The following FSIP1 variants were observed in gnomAD, a reference collection of about 807,000 sequenced individuals.
FSIP1 encodes the protein fibrous sheath interacting protein 1.
In FSIP1, 65 loss-of-function variants were observed where a neutral mutation model predicts 60.9. The observed-to-expected ratio is 1.07, with a 90% confidence interval of 0.87 to 1.31. FSIP1 has a LOEUF of 1.31. Ranked by LOEUF, FSIP1 falls within the 40% of genes most tolerant of loss-of-function variation. FSIP1 has a pLI of 0.00. For synonymous variants in FSIP1, 209 were observed against 221.2 expected (o/e 0.94, Z 0.49); for missense variants, 675 against 665.5 (o/e 1.01, Z -0.16).
At chr15:39,763,643 C>T (rs1282824859) in intron 5 of FSIP1, among the ~76,000 whole-genome samples, 178 bp downstream of exon 5, 4 of 152,328 alleles carry the variant, frequency 2.6e-5, no homozygotes, top group African/African-American at 9.6e-5. Context: ...GACACCAAAA[C>T]ATACCTAAGC....
intron 10 of FSIP1, among the ~76,000 whole-genome samples, chr15:39,638,132 C>T (rs1008458736): frequency 2.0e-4 from 31 of 152,162 alleles, no homozygotes; most frequent in African/African-American, 7.2e-4. Flanking sequence ...TTTATAATAT[C>T]TGTTAGGATT....
intron 11 of FSIP1, among the ~76,000 whole-genome samples, chr15:39,614,636 C>A (rs768963553): frequency 1.2e-4 from 15 of 127,246 alleles, no homozygotes; most frequent in Admixed American, 1.5e-4. Context: ...CAGGGCAAGA[C>A]TCCATCTCAA....
At chr15:39,675,039 C>CT (rs34533014) in intron 10 of FSIP1, among the ~76,000 whole-genome samples, 34 of 150,498 alleles carry the variant, frequency 2.3e-4, no homozygotes, top group African/African-American at 6.6e-4. Flanking sequence ...CATGAATAGG[C>CT]TTTTTTTTTA....
At chr15:39,607,272 T>A (rs1487755161) in intron 11 of FSIP1, among the ~76,000 whole-genome samples, 1 of 152,184 alleles carries the variant, frequency 6.6e-6, no homozygotes, top group Non-Finnish European at 1.5e-5. Flanking sequence ...AGATTTTCCA[T>A]CTCTGCCAGT....
chr15:39,665,037 T>G (rs1893441809), intron 10 of FSIP1, among the ~76,000 whole-genome samples: 1 of 152,150 alleles, frequency 6.6e-6, no homozygotes, highest in African/African-American at 2.4e-5. Flanking sequence ...CCTTAAATAT[T>G]TGTTGCAAGT....
chr15:39,688,336 T>C (rs1894466141), intron 10 of FSIP1, among the ~76,000 whole-genome samples: 1 of 152,166 alleles, frequency 6.6e-6, no homozygotes, highest in Non-Finnish European at 1.5e-5. Context: ...CATAGTTTAG[T>C]CCAGCCTACC....
chr15:39,656,864 G>A (rs1444609364), intron 10 of FSIP1, among the ~76,000 whole-genome samples: 2 of 152,206 alleles, frequency 1.3e-5, no homozygotes, highest in Non-Finnish European at 2.9e-5. Flanking sequence ...AGAGGATCAT[G>A]TGTGCCTCCA....
chr15:39,693,404 T>C (rs748944892), intron 10 of FSIP1, among the ~76,000 whole-genome samples: 2 of 152,206 alleles, frequency 1.3e-5, no homozygotes, highest in Non-Finnish European at 2.9e-5. Flanking sequence ...CACTCCATGA[T>C]CATGGGCCAA....
chr15:39,662,156 G>A (rs532525076), intron 10 of FSIP1, among the ~76,000 whole-genome samples: 19 of 152,008 alleles, frequency 1.2e-4, no homozygotes, highest in Non-Finnish European at 2.2e-4. Context: ...TAGTTGGAGT[G>A]GGGGAAAGGG....
chr15:39,777,290 C>G (rs1233639965), intron 1 of FSIP1, among the ~76,000 whole-genome samples: 3 of 152,112 alleles, frequency 2.0e-5, no homozygotes, highest in Non-Finnish European at 4.4e-5. Flanking sequence ...GATTTCTCCT[C>G]TCCCCCGTGG....
intron 10 of FSIP1, among the ~76,000 whole-genome samples, chr15:39,674,502 T>C (rs1893858458): frequency 6.6e-6 from 1 of 152,078 alleles, no homozygotes; most frequent in South Asian, 2.1e-4. Context: ...ATATCAGCAT[T>C]TCTTACAAGG....
At chr15:39,722,633 C>CTCTG (rs1555395441) in intron 9 of FSIP1, among the ~76,000 whole-genome samples, 1 of 152,028 alleles carries the variant, frequency 6.6e-6, no homozygotes, top group Non-Finnish European at 1.5e-5. Flanking sequence ...CTCTCTCTCT[C>CTCTG]TGCTCTAAAC....
At chr15:39,712,710 C>CT (rs1895571770) in intron 10 of FSIP1, among the ~76,000 whole-genome samples, 1 of 152,148 alleles carries the variant, frequency 6.6e-6, no homozygotes. Context: ...GTGGGAAAAT[C>CT]ATAGTATGAC....
chr15:39,661,441 A>G (rs1057085410), intron 10 of FSIP1, among the ~76,000 whole-genome samples: 1 of 152,230 alleles, frequency 6.6e-6, no homozygotes, highest in African/African-American at 2.4e-5. Flanking sequence ...ATTTTGTACA[A>G]TCTTATTACT....
intron 10 of FSIP1, among the ~76,000 whole-genome samples, chr15:39,645,163 A>G (rs1385865891): frequency 6.6e-6 from 1 of 152,252 alleles, no homozygotes; most frequent in African/African-American, 2.4e-5. Flanking sequence ...TGGAGAAAAG[A>G]GAAACTTTCT....
intron 5 of FSIP1, among the ~76,000 whole-genome samples, chr15:39,760,787 A>G (rs1339532859): frequency 6.6e-6 from 1 of 152,210 alleles, no homozygotes; most frequent in Non-Finnish European, 1.5e-5. Context: ...CTATACTTTA[A>G]TTAATGGTAT....
At chr15:39,734,565 A>C (rs1360990885) in intron 8 of FSIP1, among the ~76,000 whole-genome samples, 1 of 152,228 alleles carries the variant, frequency 6.6e-6, no homozygotes, top group Non-Finnish European at 1.5e-5. Context: ...TCTTGTTAAA[A>C]TATGAAATTT....
At chr15:39,716,691 A>T (rs1481713913) in intron 9 of FSIP1, among the ~76,000 whole-genome samples, 3 of 152,162 alleles carry the variant, frequency 2.0e-5, no homozygotes, top group Non-Finnish European at 4.4e-5. Context: ...AGCCACTAGC[A>T]TGGCCCAGAT....
chr15:39,635,039 TA>T (rs34494642), intron 10 of FSIP1, among the ~76,000 whole-genome samples: 27,545 of 152,032 alleles, frequency 0.18, 3,039 homozygotes, highest in East Asian at 0.32. Context: ...GTGCCTTTAG[TA>T]AAAAAAGCAT....
Sources: allele counts gnomAD v4.1 joint callset (sites outside exome capture counted in the v4.1 genomes callset), GRCh38; gene constraint gnomAD v4.1.1; transcripts MANE v1.5; gene names NCBI Gene and HGNC (gene_info 2026-07-23, HGNC 2026-07-21).